CTNNA3: variants seen among roughly 807,000 people sequenced by gnomAD.
The protein encoded by CTNNA3 is catenin alpha 3.
In CTNNA3, 76 loss-of-function variants were observed where a neutral mutation model predicts 95.7. The ratio of observed to expected loss-of-function variants is 0.79; its 90% CI spans 0.66 to 0.96. CTNNA3 has a LOEUF of 0.96. CTNNA3 is among the 40% of genes least tolerant of loss of function. The pLI is 0.00. For synonymous variants in CTNNA3, 431 were observed against 374.4 expected, an observed-to-expected ratio of 1.15 and a Z score of -1.74; for missense variants, 1,191 against 1,089.8, an observed-to-expected ratio of 1.09 and a Z score of -1.31.
At chr10:66,513,266 C>A (rs1840725015) in intron 11 of CTNNA3, among the ~76,000 whole-genome samples, 1 of 152,086 alleles carries the variant, frequency 6.6e-6, no homozygotes, top group South Asian at 2.1e-4. Flanking sequence ...CAAATTATTT[C>A]TTTTGCTTTA....
chr10:66,568,621 TTA>T (rs1021268148), intron 10 of CTNNA3, among the ~76,000 whole-genome samples: 3 of 152,100 alleles, frequency 2.0e-5, no homozygotes, highest in Admixed American at 1.3e-4. Context: ...CATTGCACAG[TTA>T]AAGAGACTGC....
chr10:66,669,525 G>A (rs1197831394), intron 9 of CTNNA3, among the ~76,000 whole-genome samples: 4 of 151,944 alleles, frequency 2.6e-5, no homozygotes, highest in African/African-American at 9.7e-5. Context: ...CTGGGTGACA[G>A]AGCGAGACTT....
In CTNNA3 at chr10:66,566,650, C is replaced by A. The variant is rs774190673; in HGVS notation, c.1375-45877G>T. Among the ~76,000 whole-genome samples, 3 of 152,176 alleles carry A rather than the reference C, an allele frequency of 2.0e-5. No homozygotes were observed. In the East Asian group the frequency reaches 5.8e-4, roughly 30 times the overall value. On this transcript the variant is annotated intron_variant, in intron 10 of 17. Transcript: ENST00000433211. ...AGTACAATGTGAATCTCCTTCCCATCGCTGTCTCCTTGTCCTCTTCATGCT... is the reference window on the plus strand; with the variant it reads ...AGTACAATGTGAATCTCCTTCCCATAGCTGTCTCCTTGTCCTCTTCATGCT...
chr10:67,566,647 T>C (rs1487218747), intron 3 of CTNNA3, among the ~76,000 whole-genome samples: 1 of 152,020 alleles, frequency 6.6e-6, no homozygotes, highest in Non-Finnish European at 1.5e-5. Flanking sequence ...CAAATACCAT[T>C]TGACCCAGCC....
At position 66,516,064 on chromosome 10, in the gene CTNNA3, G is replaced by GAAAAA. The variant is rs5785760; in HGVS notation, c.1531+4548_1531+4552dup. 2.4e-4 allele frequency among the ~76,000 whole-genome samples: 34 copies of GAAAAA among 141,248 alleles called. No individual in the cohort carries two copies. In the South Asian group the frequency reaches 6.8e-3, roughly 28 times the overall value. The allele number at this position is 141,248 out of a possible 152,430, so 92.7% of individuals were successfully genotyped here. ...TATTCAAACTATGATTAATTATCTG[G>GAAAAA]AAAAAAAAAAAAAAAAGGTAACCCA... On this transcript the variant is annotated intron_variant, in intron 11 of 17. Transcript: ENST00000433211.
At chr10:66,423,793 C>T (rs1279502604) in intron 11 of CTNNA3, among the ~76,000 whole-genome samples, 6 of 152,218 alleles carry the variant, frequency 3.9e-5, no homozygotes, top group Admixed American at 3.9e-4. Context: ...CGGCCAGAAG[C>T]CCCTCTCAGG....
intron 6 of CTNNA3, among the ~76,000 whole-genome samples, chr10:67,194,537 A>G (rs79695797): frequency 0.023 from 3,556 of 152,172 alleles, 116 homozygotes; most frequent in African/African-American, 0.074. Flanking sequence ...GACAGTAAGA[A>G]GTCAGTGGTT....
chr10:67,473,352 C>T (rs1243849076), intron 5 of CTNNA3, among the ~76,000 whole-genome samples: 1 of 152,178 alleles, frequency 6.6e-6, no homozygotes, highest in Non-Finnish European at 1.5e-5. Flanking sequence ...CATATATGCT[C>T]ACGCTATATG....
intron 5 of CTNNA3, among the ~76,000 whole-genome samples, chr10:67,459,374 A>G (rs1847292044): frequency 6.6e-6 from 1 of 152,190 alleles, no homozygotes; most frequent in South Asian, 2.1e-4. Context: ...GGGGTAGGAT[A>G]ATATCAGTGT....
intron 5 of CTNNA3, among the ~76,000 whole-genome samples, chr10:67,372,583 C>T (rs1032907217): frequency 6.6e-6 from 1 of 152,130 alleles, no homozygotes; most frequent in Non-Finnish European, 1.5e-5. Context: ...CTTCCCCAAC[C>T]TAGCAAGGCA....
intron 7 of CTNNA3, among the ~76,000 whole-genome samples, chr10:66,967,706 C>T (rs1001368195): frequency 2.0e-5 from 3 of 151,924 alleles, no homozygotes; most frequent in Non-Finnish European, 2.9e-5. Flanking sequence ...AAAATGAAGT[C>T]TTAAGAAAAT....
At chr10:66,706,820 G>A (rs1410099197) in intron 9 of CTNNA3, among the ~76,000 whole-genome samples, 1 of 151,944 alleles carries the variant, frequency 6.6e-6, no homozygotes, top group African/African-American at 2.4e-5. Context: ...GTCTGTAAAT[G>A]TCTACACCAT....
intron 13 of CTNNA3, among the ~76,000 whole-genome samples, chr10:66,231,382 T>C (rs1317314154): frequency 1.3e-5 from 2 of 152,212 alleles, no homozygotes; most frequent in Non-Finnish European, 2.9e-5. Flanking sequence ...TCATAAGATT[T>C]ACTGAATCGT....
chr10:66,985,014 G>A (rs1436586211), intron 7 of CTNNA3, among the ~76,000 whole-genome samples: 1 of 152,002 alleles, frequency 6.6e-6, no homozygotes, highest in Non-Finnish European at 1.5e-5. Context: ...AAATATTTCA[G>A]TTCTACAAAC....
At chr10:66,114,549 G>T (rs190096418) in intron 13 of CTNNA3, among the ~76,000 whole-genome samples, 1 of 151,430 alleles carries the variant, frequency 6.6e-6, no homozygotes, top group Admixed American at 6.6e-5. Context: ...CATATTGTCC[G>T]TGTATGTGTG....
intron 13 of CTNNA3, among the ~76,000 whole-genome samples, chr10:66,203,562 T>C (rs1400463708): frequency 6.6e-6 from 1 of 152,052 alleles, no homozygotes; most frequent in African/African-American, 2.4e-5. Flanking sequence ...GCCATAATTA[T>C]AACATAGGCT....
Position 67,509,605 on chromosome 10 carries a change from G to A in CTNNA3, c.579+12237C>T, listed in dbSNP as rs557418993. ...CCAGTCTATCACTGATGAATATTTGGGTTGGTTCCAAGTCTTTGCTATTGT... is the reference window on the plus strand; with the variant it reads ...CCAGTCTATCACTGATGAATATTTGAGTTGGTTCCAAGTCTTTGCTATTGT... On this transcript the variant is annotated intron_variant, in intron 5 of 17. Coordinates refer to ENST00000433211, the MANE Select transcript of CTNNA3 (RefSeq NM_013266.4). Among the ~76,000 whole-genome samples, 20 of 152,244 alleles carry A rather than the reference G, an allele frequency of 1.3e-4. No individual in the cohort carries two copies. The South Asian group carries it at 2.3e-3, about 17-fold the overall frequency.
At chr10:65,953,375 T>C (rs143938111) in intron 17 of CTNNA3, among the ~76,000 whole-genome samples, 1 of 150,386 alleles carries the variant, frequency 6.6e-6, no homozygotes. Context: ...ACTCACCTCT[T>C]TTTTTTTTAG....
chr10:67,271,205 G>A (rs977566706), intron 5 of CTNNA3, among the ~76,000 whole-genome samples: 3 of 152,118 alleles, frequency 2.0e-5, no homozygotes, highest in African/African-American at 7.2e-5. Context: ...GTTAGGCTTT[G>A]CGTTCCCACC....
Sources: allele counts gnomAD v4.1 joint callset (sites outside exome capture counted in the v4.1 genomes callset), GRCh38; gene constraint gnomAD v4.1.1; transcripts MANE v1.5; gene names NCBI Gene and HGNC (gene_info 2026-07-23, HGNC 2026-07-21).